MLLT3: variants seen among roughly 807,000 people sequenced by gnomAD.
MLLT3 encodes the protein protein AF-9.
In MLLT3, 4 loss-of-function variants were observed where a neutral mutation model predicts 53.2. The observed-to-expected ratio is 0.08, with a 90% CI of 0.04 to 0.17. The LOEUF is 0.17. Ranked by LOEUF, MLLT3 falls within the 10% of genes least tolerant of loss-of-function variation. The probability of loss-of-function intolerance (pLI) is 1.00; values close to 1 mark genes in which losing one functional copy is unlikely to be tolerated. For synonymous variants in MLLT3, 283 were observed against 230.6 expected (o/e 1.23, Z -2.06); for missense variants, 569 against 684.0 (o/e 0.83, Z 1.87).
chr9:20,506,084 T>C (rs2118951306), intron 2 of MLLT3, among the ~76,000 whole-genome samples: 1 of 152,000 alleles, frequency 6.6e-6, no homozygotes, highest in Non-Finnish European at 1.5e-5. Flanking sequence ...TCTCTCTTTT[T>C]TTTTTTGAGA....
intron 2 of MLLT3, among the ~76,000 whole-genome samples, chr9:20,513,631 C>T (rs555357603): frequency 2.2e-3 from 337 of 152,188 alleles, no homozygotes; most frequent in African/African-American, 7.5e-3. Flanking sequence ...GCTACCGTGG[C>T]GTATCTGCAG....
At chr9:20,540,281 A>T (rs1818595339) in intron 2 of MLLT3, among the ~76,000 whole-genome samples, 1 of 152,200 alleles carries the variant, frequency 6.6e-6, no homozygotes, top group South Asian at 2.1e-4. Context: ...TCCACTAGGC[A>T]GTGCCCCAGT....
chr9:20,417,644 A>C (rs1179985394), intron 4 of MLLT3, among the ~76,000 whole-genome samples: 1 of 152,142 alleles, frequency 6.6e-6, no homozygotes, highest in African/African-American at 2.4e-5. Flanking sequence ...ATGATTGTTT[A>C]AACATAAATA....
chr9:20,566,371 CACA>C (rs961983100), intron 2 of MLLT3, among the ~76,000 whole-genome samples: 21 of 151,996 alleles, frequency 1.4e-4, no homozygotes, highest in African/African-American at 4.6e-4. Flanking sequence ...TTGTACCTAT[CACA>C]ATGCATGTTC....
chr9:20,424,380 C>T (rs1343315540), intron 4 of MLLT3, among the ~76,000 whole-genome samples: 1 of 152,138 alleles, frequency 6.6e-6, no homozygotes, highest in Non-Finnish European at 1.5e-5. Flanking sequence ...CATGATGCTT[C>T]CAATTATTTC....
At chr9:20,560,824 T>C (rs972125560) in intron 2 of MLLT3, among the ~76,000 whole-genome samples, 2 of 152,124 alleles carry the variant, frequency 1.3e-5, no homozygotes, top group Admixed American at 1.3e-4. Context: ...GGGGTACATG[T>C]GAGTATTTTT....
chr9:20,534,534 G>C (rs375300903), intron 2 of MLLT3, among the ~76,000 whole-genome samples: 5 of 152,178 alleles, frequency 3.3e-5, no homozygotes, highest in Admixed American at 1.3e-4. Context: ...TGGATGAACA[G>C]AACACTGTGT....
chr9:20,349,703 C>T (rs1009234171), intron 10 of MLLT3, among the ~76,000 whole-genome samples: 3 of 152,198 alleles, frequency 2.0e-5, no homozygotes, highest in Admixed American at 6.5e-5. Flanking sequence ...CCACTAGAAA[C>T]GTCAGCCCGG....
intron 2 of MLLT3, among the ~76,000 whole-genome samples, chr9:20,551,644 TTG>T (rs1337326125): frequency 6.6e-6 from 1 of 152,164 alleles, no homozygotes; most frequent in Admixed American, 6.5e-5. Flanking sequence ...AAAAAAAAAC[TTG>T]CTCATTGATC....
chr9:20,594,161 G>C (rs181069478), intron 2 of MLLT3, among the ~76,000 whole-genome samples: 5 of 151,954 alleles, frequency 3.3e-5, no homozygotes, highest in Admixed American at 2.6e-4. Flanking sequence ...AGCTGGTCTC[G>C]AACTCCTGAC....
chr9:20,376,110 T>C (rs544468961), intron 5 of MLLT3, among the ~76,000 whole-genome samples: 2 of 152,316 alleles, frequency 1.3e-5, no homozygotes, highest in South Asian at 4.1e-4. Flanking sequence ...TACCATTTAA[T>C]GCTTTAAATA....
chr9:20,619,146 G>T (rs892340614), intron 2 of MLLT3, among the ~76,000 whole-genome samples: 2 of 152,160 alleles, frequency 1.3e-5, no homozygotes, highest in African/African-American at 4.8e-5. Flanking sequence ...CCTTACCACA[G>T]TTTGGAGGAA....
intron 2 of MLLT3, among the ~76,000 whole-genome samples, chr9:20,604,146 C>A (rs1334543821): frequency 6.6e-6 from 1 of 151,966 alleles, no homozygotes; most frequent in Admixed American, 6.6e-5. Context: ...CCCTTTAAAT[C>A]TATAGCAATA....
intron 5 of MLLT3, among the ~76,000 whole-genome samples, chr9:20,403,748 G>A (rs1186728539): frequency 3.3e-5 from 5 of 152,168 alleles, no homozygotes; most frequent in African/African-American, 7.2e-5. Flanking sequence ...TGAAAATAGA[G>A]TGAATACTTT....
chr9:20,533,627 C>T (rs1274360702), intron 2 of MLLT3, among the ~76,000 whole-genome samples: 2 of 152,208 alleles, frequency 1.3e-5, no homozygotes, highest in African/African-American at 4.8e-5. Flanking sequence ...TGTAGCATTA[C>T]TCACAATAGC....
chr9:20,540,274 A>C (rs1046647221), intron 2 of MLLT3, among the ~76,000 whole-genome samples: 6 of 152,184 alleles, frequency 3.9e-5, no homozygotes, highest in African/African-American at 1.4e-4. Context: ...TCACAGCTCC[A>C]CTAGGCAGTG....
chr9:20,550,008 A>G (rs1192356548), intron 2 of MLLT3, among the ~76,000 whole-genome samples: 1 of 152,230 alleles, frequency 6.6e-6, no homozygotes, highest in Non-Finnish European at 1.5e-5. Context: ...TCACTCATCT[A>G]CAAGAACTGC....
intron 2 of MLLT3, among the ~76,000 whole-genome samples, chr9:20,465,276 C>T (rs2118877533): frequency 6.6e-6 from 1 of 152,210 alleles, no homozygotes; most frequent in South Asian, 2.1e-4. Flanking sequence ...TATTAATATA[C>T]AGTAGTTCTA....
At chr9:20,467,135 A>T (rs1416257709) in intron 2 of MLLT3, among the ~76,000 whole-genome samples, 1 of 152,124 alleles carries the variant, frequency 6.6e-6, no homozygotes, top group East Asian at 1.9e-4. Flanking sequence ...AGAGAACCGG[A>T]TATTGGCAAA....
Sources: allele counts gnomAD v4.1 joint callset (sites outside exome capture counted in the v4.1 genomes callset), GRCh38; gene constraint gnomAD v4.1.1; transcripts MANE v1.5; gene names NCBI Gene and HGNC (gene_info 2026-07-23, HGNC 2026-07-21).